The following MTMR3 variants were observed in gnomAD, a reference collection of about 807,000 sequenced individuals.
The protein encoded by MTMR3 is phosphatidylinositol-3,5-bisphosphate 3-phosphatase MTMR3.
A neutral mutation model predicts 132.4 loss-of-function variants in MTMR3; 32 were observed. That is an observed-to-expected ratio of 0.24 (90% confidence interval 0.18 to 0.32). The LOEUF (loss-of-function observed/expected upper bound fraction) is 0.32. Among genes scored for constraint, MTMR3 ranks in the 10% least tolerant of loss-of-function variants. The pLI, the probability that MTMR3 is intolerant of heterozygous loss-of-function variation, is 1.00. For synonymous variants in MTMR3, 556 were observed against 550.3 expected, an observed-to-expected ratio of 1.01 and a Z score of -0.14; for missense variants, 1,216 against 1,489.6, an observed-to-expected ratio of 0.82 and a Z score of 3.02.
chr22:30,016,732 C>T, intron 15 of MTMR3, 34 bp downstream of exon 15: 1 of 1,581,058 alleles, frequency 6.3e-7, no homozygotes, highest in Non-Finnish European at 8.6e-7. Flanking sequence ...CTGTGGTCAG[C>T]AGAAGGAATT....
At chr22:30,022,487 C>A in intron 18 of MTMR3, 122 bp from the exon 19 acceptor site, 1 of 808,662 alleles carries the variant, frequency 1.2e-6, no homozygotes, top group Non-Finnish European at 2.1e-6. Flanking sequence ...ATCAGATCTG[C>A]TGGGCTGGTG....
chr22:29,903,944 CAT>C lies in MTMR3; in HGVS notation c.-138+20588_-138+20589del, dbSNP rs145265375. On this transcript the variant is annotated intron_variant, in intron 1 of 19. Coordinates refer to ENST00000401950, the MANE Select transcript of MTMR3 (RefSeq NM_021090.4). ...CATTATTTTTGGTGAACAGGTATCT[CAT>C]ATGTAGGCTATCATTAATTTTGGCA... Among the ~76,000 whole-genome samples the C allele has an allele frequency of 4.5e-3, 679 of 152,234 alleles. 6 individuals carry two copies. Among genetic ancestry groups the C allele is most frequent in the African/African-American group, 0.015 (641 of 41,508 alleles).
At chr22:29,972,987 A>C (rs1478532209) in intron 3 of MTMR3, among the ~76,000 whole-genome samples, 4 of 152,202 alleles carry the variant, frequency 2.6e-5, no homozygotes, top group African/African-American at 9.6e-5. Context: ...ACATTCTCCC[A>C]TGTTGATTCC....
chr22:29,936,974 T>G lies in MTMR3; in HGVS notation c.-137-20062T>G, dbSNP rs142903606. On this transcript the variant is annotated intron_variant, in intron 1 of 19. Transcript: ENST00000401950. ...AGAATTTGATCCTGGAGAATTTGAT[T>G]TGAGTTTTAGATATAAAGGCTTATA... is the stretch of plus-strand genomic sequence containing the variant. Among the ~76,000 whole-genome samples the G allele has an allele frequency of 3.8e-4, 58 of 152,326 alleles. No individual in the cohort carries two copies. In the East Asian group the frequency reaches 0.011, roughly 28 times the overall value.
chr22:29,946,607 A>C (rs1051779437), intron 1 of MTMR3, among the ~76,000 whole-genome samples: 2 of 152,208 alleles, frequency 1.3e-5, no homozygotes, highest in African/African-American at 2.4e-5. Context: ...GTTTCTCTAT[A>C]TGAAGAATTT....
At chr22:29,908,501 G>T (rs778795295) in intron 1 of MTMR3, among the ~76,000 whole-genome samples, 1 of 152,116 alleles carries the variant, frequency 6.6e-6, no homozygotes, top group Non-Finnish European at 1.5e-5. Flanking sequence ...TGATTGTTTT[G>T]GTGGATTAGA....
intron 3 of MTMR3, among the ~76,000 whole-genome samples, chr22:29,977,860 T>C (rs1194697803): frequency 6.6e-6 from 1 of 152,144 alleles, no homozygotes; most frequent in Non-Finnish European, 1.5e-5. Context: ...TTAAAAGTAG[T>C]GTGGGGCTGG....
chr22:30,026,879 C>T lies in MTMR3; in HGVS notation c.*1078C>T, dbSNP rs962377841. 4 of 152,820 alleles carry T rather than the reference C, an allele frequency of 2.6e-5. No homozygotes were observed. Among genetic ancestry groups the T allele is most frequent in the African/African-American group, 7.2e-5 (3 of 41,440 alleles). 9.5% of individuals were successfully genotyped at this position (152,820 alleles called of 1,614,324 possible). ...ATACAATCAGCCTTTCTCCTCTTCTCTTCTTGGGACAGGAATAACTGCTGA... is the reference window on the plus strand; with the variant it reads ...ATACAATCAGCCTTTCTCCTCTTCTTTTCTTGGGACAGGAATAACTGCTGA... On this transcript the variant is annotated 3_prime_UTR_variant, in exon 20 of 20. Transcript: ENST00000401950.
intron 1 of MTMR3, among the ~76,000 whole-genome samples, chr22:29,920,972 A>AGGGGGTGGT: frequency 3.1e-5 from 1 of 32,442 alleles, no homozygotes; most frequent in South Asian, 8.8e-4. Flanking sequence ...GGTTTTTTTT[A>AGGGGGTGGT]GGGGGTGGTG....
intron 17 of MTMR3, chr22:30,021,419 A>T (rs1317622951): frequency 6.3e-6 from 1 of 158,494 alleles, no homozygotes; most frequent in Non-Finnish European, 1.4e-5. Context: ...GTTAGCTCTG[A>T]TGGGGGTTTG....
At chr22:30,023,301 T>C in intron 19 of MTMR3, 1 of 724,650 alleles carries the variant, frequency 1.4e-6, no homozygotes. Flanking sequence ...ATCTGAATCA[T>C]GCCATAGCTC....
chr22:29,948,592 C>CTTAATTGAG (rs2065995450), intron 1 of MTMR3, among the ~76,000 whole-genome samples: 1 of 152,002 alleles, frequency 6.6e-6, no homozygotes, highest in Non-Finnish European at 1.5e-5. Flanking sequence ...GCAAGCCAGC[C>CTTAATTGAG]TTCAAATTAA....
chr22:29,903,342 G>C (rs1001738369), intron 1 of MTMR3, among the ~76,000 whole-genome samples: 1 of 151,108 alleles, frequency 6.6e-6, no homozygotes, highest in Non-Finnish European at 1.5e-5. Flanking sequence ...GTGGTTTGAC[G>C]TTTCAGAGAA....
chr22:29,900,090 C>A (rs2064976440), intron 1 of MTMR3, among the ~76,000 whole-genome samples: 1 of 152,088 alleles, frequency 6.6e-6, no homozygotes, highest in African/African-American at 2.4e-5. Context: ...GTGCACAAAT[C>A]AAATGTATAG....
At chr22:29,954,579 C>T (rs2066152115) in intron 1 of MTMR3, among the ~76,000 whole-genome samples, 1 of 152,316 alleles carries the variant, frequency 6.6e-6, no homozygotes, top group East Asian at 1.9e-4. Context: ...TTTGGTCCAT[C>T]TCTTGGAAGT....
At chr22:29,904,703 A>C (rs921507827) in intron 1 of MTMR3, among the ~76,000 whole-genome samples, 11 of 152,184 alleles carry the variant, frequency 7.2e-5, no homozygotes, top group African/African-American at 2.7e-4. Flanking sequence ...ATCTGTGTTA[A>C]GAGTTGAAAG....
Position 29,970,987 on chromosome 22 carries a change from A to G in MTMR3, c.-73A>G, listed in dbSNP as rs1433575512. 5 of 1,212,798 alleles carry G rather than the reference A, an allele frequency of 4.1e-6. 1 individual carries two copies. The Admixed American group carries it at 1.1e-4, about 27-fold the overall frequency. 75.1% of individuals were successfully genotyped at this position (1,212,798 alleles called of 1,614,324 possible). Reference sequence around the variant, plus strand: ...CCCCCCACCCCCAGACTTCACCATAAGGGAAAGAAGAGAGCCTTGTTGGAC... The same window carrying G: ...CCCCCCACCCCCAGACTTCACCATAGGGGAAAGAAGAGAGCCTTGTTGGAC... On this transcript the variant is annotated 5_prime_UTR_variant, in exon 3 of 20. Coordinates refer to ENST00000401950, the MANE Select transcript of MTMR3 (RefSeq NM_021090.4).
chr22:29,903,366 G>C lies in MTMR3; in HGVS notation c.-138+20007G>C, dbSNP rs114149622. 4.6e-3 allele frequency among the ~76,000 whole-genome samples: 677 copies of C among 148,556 alleles called. 6 individuals are homozygous for C. The highest frequency in any genetic ancestry group is 0.016 in the African/African-American group (639 of 40,784). On this transcript the variant is annotated intron_variant, in intron 1 of 19. Transcript: ENST00000401950. Reference sequence around the variant, plus strand: ...CGTTTCAGAGAATAGCAGTGTTTTTGATTTTCTTTTTTTCTTTTTCTTTCT... The same window carrying C: ...CGTTTCAGAGAATAGCAGTGTTTTTCATTTTCTTTTTTTCTTTTTCTTTCT...
intron 7 of MTMR3, chr22:29,994,629 G>T (rs2067026296): frequency 6.6e-6 from 1 of 151,932 alleles, no homozygotes; most frequent in Non-Finnish European, 1.5e-5. Context: ...ACTCTGAGGG[G>T]TGGAAGTTAG....
Sources: allele counts gnomAD v4.1 joint callset (sites outside exome capture counted in the v4.1 genomes callset), GRCh38; gene constraint gnomAD v4.1.1; transcripts MANE v1.5; gene names NCBI Gene and HGNC (gene_info 2026-07-23, HGNC 2026-07-21).